C5: variants seen among roughly 807,000 people sequenced by gnomAD.
The protein encoded by C5 is C3 and PZP-like alpha-2-macroglobulin domain-containing protein 4.
Under a neutral mutation model 218.8 loss-of-function variants are expected in C5, and 140 were observed. The ratio of observed to expected loss-of-function variants is 0.64; its 90% CI spans 0.56 to 0.74. The LOEUF (loss-of-function observed/expected upper bound fraction) is 0.74. C5 is among the 30% of genes least tolerant of loss of function. The pLI is 0.00. For synonymous variants in C5, 614 were observed against 682.3 expected, an observed-to-expected ratio of 0.90 and a Z score of 1.56; for missense variants, 1,700 against 1,969.6, an observed-to-expected ratio of 0.86 and a Z score of 2.59.
intron 5 of C5, among the ~76,000 whole-genome samples, chr9:121,033,036 GTGTATGTA>G (rs1224857372): frequency 6.6e-6 from 1 of 151,360 alleles, no homozygotes; most frequent in African/African-American, 2.4e-5. Flanking sequence ...GTGTGTGTGT[GTGTATGTA>G]TGTATATATG....
intron 20 of C5, among the ~76,000 whole-genome samples, chr9:121,005,053 A>T (rs2047205529): frequency 6.6e-6 from 1 of 152,176 alleles, no homozygotes; most frequent in African/African-American, 2.4e-5. Flanking sequence ...AATTTTAGGA[A>T]ACCACTGAAA....
chr9:120,994,008 T>C (rs1420647079), intron 22 of C5, among the ~76,000 whole-genome samples: 1 of 152,036 alleles, frequency 6.6e-6, no homozygotes, highest in Non-Finnish European at 1.5e-5. Flanking sequence ...ACTCTGCATT[T>C]GAGATATGAG....
chr9:120,997,434 TC>T, intron 21 of C5, 112 bp downstream of exon 21: 1 of 826,026 alleles, frequency 1.2e-6, no homozygotes, highest in Non-Finnish European at 2.0e-6. Flanking sequence ...CCATCCAGTT[TC>T]CTTAATGCTT....
intron 25 of C5, among the ~76,000 whole-genome samples, chr9:120,988,203 C>A (rs1022823587): frequency 1.3e-5 from 2 of 152,214 alleles, no homozygotes; most frequent in Non-Finnish European, 2.9e-5. Context: ...ACTTACTGAG[C>A]ATCTACTATG....
chr9:121,055,356 C>G, the C5 span, among the ~76,000 whole-genome samples: 63 of 151,970 alleles, frequency 4.1e-4, no homozygotes, highest in Non-Finnish European at 7.2e-4. Context: ...TAGTGCTGTC[C>G]TGGTCTTGGA....
At chr9:121,074,727 C>T in the C5 span, 19 of 446,192 alleles carry the variant, frequency 4.3e-5, no homozygotes, top group African/African-American at 2.8e-4. Context: ...ACCTCGGCTC[C>T]CCCTGACTCT....
intron 20 of C5, among the ~76,000 whole-genome samples, chr9:120,999,249 G>C (rs1311533012): frequency 6.6e-6 from 1 of 152,106 alleles, no homozygotes; most frequent in East Asian, 1.9e-4. Context: ...CTCTAGACAA[G>C]ATACATATTA....
chr9:121,061,016 T>C, the C5 span, among the ~76,000 whole-genome samples: 1 of 152,126 alleles, frequency 6.6e-6, no homozygotes, highest in East Asian at 1.9e-4. Flanking sequence ...GGTAAAACCT[T>C]GTCTCTACTA....
chr9:121,060,113 A>T, the C5 span, among the ~76,000 whole-genome samples: 1 of 152,212 alleles, frequency 6.6e-6, no homozygotes. Context: ...AGCTCCTTAC[A>T]TTCACTACCA....
In C5 at chr9:121,027,201, C is replaced by T. The variant is rs375993804; in HGVS notation, c.832G>A (p.Asp278Asn). The T allele has an allele frequency of 3.1e-6, 5 of 1,602,136 alleles. No individual in the cohort carries two copies. The highest frequency in any genetic ancestry group is 4.3e-6 in the Non-Finnish European group (5 of 1,171,086). ...TFGIREDLKDDQKEMMQTAMQ... is the reference protein window; with the variant it reads ...TFGIREDLKDNQKEMMQTAMQ... ...GCTGTTTGCATCATTTCTTTTTGAT[C>T]ATCTTTTAAGTCTTCTCTTATTCCA... The change falls in exon 8 of 41, where the codon GAT becomes AAT. Residue 278 changes from aspartate (D) to asparagine (N), a missense_variant. Physicochemically the swap from Asp to Asn is conservative, Grantham distance 23. Coordinates refer to ENST00000223642, the MANE Select transcript of C5 (RefSeq NM_001735.3).
intron 22 of C5, among the ~76,000 whole-genome samples, chr9:120,994,537 G>A (rs761071098): frequency 6.6e-6 from 1 of 151,820 alleles, no homozygotes; most frequent in Non-Finnish European, 1.5e-5. Flanking sequence ...GAGCTGACAT[G>A]GCGCCACTGC....
chr9:121,073,336 C>T, the C5 span, among the ~76,000 whole-genome samples: 1 of 152,166 alleles, frequency 6.6e-6, no homozygotes, highest in African/African-American at 2.4e-5. Context: ...AATTCTTCCC[C>T]ACCTCCCTAC....
Position 121,008,400 on chromosome 9 carries a change from TATA to T in C5, c.2348+5_2348+7del. On this transcript the variant is annotated splice_donor_5th_base_variant and intron_variant, in intron 18 of 40. Coordinates refer to ENST00000223642, the MANE Select transcript of C5 (RefSeq NM_001735.3). ...TTCTTTCAAGGAAACATGAAAGAAG[TATA>T]ATACCTTCTGGGAACAAGATGAACT... 6.3e-7 allele frequency: 1 copy of T among 1,594,734 alleles called. No homozygotes were observed. The highest frequency in any genetic ancestry group is 8.6e-7 in the Non-Finnish European group (1 of 1,162,448).
intron 25 of C5, among the ~76,000 whole-genome samples, chr9:120,985,853 A>G (rs1007663832): frequency 6.6e-6 from 1 of 152,204 alleles, no homozygotes; most frequent in Non-Finnish European, 1.5e-5. Flanking sequence ...TCCAGGAACT[A>G]GCCATGAGAT....
Position 120,982,757 on chromosome 9 carries a change from G to T in C5, c.3288C>A (p.Asn1096Lys). Reference sequence around the variant, plus strand: ...ATAAAGAATTACAAATTGAATTTTGGTTCTGCTCTACGTATTTATTTACTT... The same window carrying T: ...ATAAAGAATTACAAATTGAATTTTGTTTCTGCTCTACGTATTTATTTACTT... ...LGQVNKYVEQNQNSICNSLLW... is the reference protein window; with the variant it reads ...LGQVNKYVEQKQNSICNSLLW... The change falls in exon 26 of 41, where the codon AAC (asparagine) becomes AAA (lysine). Residue 1096 changes from asparagine to lysine, a missense_variant. Physicochemically the swap from Asn to Lys is moderately conservative, Grantham distance 94. Transcript: ENST00000223642. The T allele has an allele frequency of 2.5e-6, 4 of 1,604,068 alleles. No homozygotes were observed. In the South Asian group the frequency reaches 3.3e-5, roughly 13 times the overall value.
At chr9:121,005,725 T>C (rs2047210006) in intron 20 of C5, among the ~76,000 whole-genome samples, 194 bp downstream of exon 20, 1 of 152,220 alleles carries the variant, frequency 6.6e-6, no homozygotes, top group Non-Finnish European at 1.5e-5. Flanking sequence ...GAATACCTAC[T>C]TGTCCTTCCT....
At chr9:120,993,617 T>C (rs1337857162) in intron 22 of C5, among the ~76,000 whole-genome samples, 2 of 151,918 alleles carry the variant, frequency 1.3e-5, no homozygotes, top group Non-Finnish European at 2.9e-5. Flanking sequence ...AGAGACGGGG[T>C]TTCACCGTTT....
Position 120,962,914 on chromosome 9 carries a change from A to G in C5, c.4377T>C (p.His1459=). 1.9e-6 allele frequency: 3 copies of G among 1,614,130 alleles called. No individual in the cohort carries two copies. The highest frequency in any genetic ancestry group is 1.7e-6 in the Non-Finnish European group (2 of 1,179,974). ...TTACCGAATTCAGTTGCAGAATAAC[A>G]TGTCCATCTTTGATTTGGTAATCAG... ...LFTDYQIKDG[H]VILQLNSIPS... is the part of the protein sequence containing the mutation. The change falls in exon 35 of 41, where the codon CAT becomes CAC. Residue 1459 remains histidine, a synonymous_variant. Transcript: ENST00000223642.
rs1234656437 is a variant in C5 at position 121,005,988 on chromosome 9, A to G, written c.2493T>C (p.Tyr831=). The change falls in exon 20 of 41, where the codon TAT becomes TAC. Residue 831 remains tyrosine, a synonymous_variant. Transcript: ENST00000223642. ...GGATCTGTTCTCCTCGTACAACAGAATATGGTATATTCATTTCCAGGAAGA... is the reference window on the plus strand; with the variant it reads ...GGATCTGTTCTCCTCGTACAACAGAGTATGGTATATTCATTTCCAGGAAGA... ...KDVFLEMNIP[Y]SVVRGEQIQL... The G allele has an allele frequency of 6.2e-7, 1 of 1,613,306 alleles. No individual in the cohort carries two copies. The highest frequency in any genetic ancestry group is 1.3e-5 in the African/African-American group (1 of 74,894).
Sources: gnomAD v4.1 joint callset for allele counts (sites outside exome capture counted in the v4.1 genomes callset) on GRCh38, gnomAD v4.1.1 for gene constraint, MANE v1.5 for transcripts, NCBI Gene and HGNC (gene_info 2026-07-23, HGNC 2026-07-21) for gene names.